TIMP2: variants seen among roughly 807,000 people sequenced by gnomAD.
TIMP2 encodes metalloproteinase inhibitor 2.
A neutral mutation model predicts 24.3 loss-of-function variants in TIMP2; 5 were observed. The observed-to-expected ratio is 0.21, with a 90% CI of 0.11 to 0.43. The LOEUF (loss-of-function observed/expected upper bound fraction) is 0.43, where lower values mean the gene tolerates loss of function less well. TIMP2 is among the 20% of genes least tolerant of loss of function. The pLI is 1.00. For synonymous variants in TIMP2, 130 were observed against 123.2 expected, an observed-to-expected ratio of 1.06 and a Z score of -0.37; for missense variants, 221 against 297.5, an observed-to-expected ratio of 0.74 and a Z score of 1.89.
chr17:78,873,964 G>T, intron 1 of TIMP2, 45 bp from the exon 2 acceptor site: 3 of 1,557,976 alleles, frequency 1.9e-6, no homozygotes, highest in South Asian at 2.2e-5. Context: ...CCTGAAACAC[G>T]CTCCTGGGGC....
intron 1 of TIMP2, among the ~76,000 whole-genome samples, chr17:78,907,694 T>C (rs2070173257): frequency 6.6e-6 from 1 of 152,176 alleles, no homozygotes; most frequent in Non-Finnish European, 1.5e-5. Context: ...GAGCCAGCCG[T>C]GATATTCAAT....
At position 78,920,960 on chromosome 17, in the gene TIMP2, C is replaced by A. The variant is rs764017879; in HGVS notation, c.130+3999G>T. 4.6e-5 allele frequency among the ~76,000 whole-genome samples: 7 copies of A among 152,200 alleles called. No homozygotes were observed. Among genetic ancestry groups the A allele is most frequent in the Non-Finnish European group, 1.0e-4 (7 of 68,046 alleles). On this transcript the variant is annotated intron_variant, in intron 1 of 4. Coordinates refer to ENST00000262768, the MANE Select transcript of TIMP2 (RefSeq NM_003255.5). The surrounding 1 kb of genome is among the most constrained non-coding windows in gnomAD (Gnocchi z 4.5). ...CCATAATTGCTTGTTGAAACACAGA[C>A]AAGCCCAATATGAAAATCAAGATGA...
chr17:78,898,745 T>G (rs1309306542), intron 1 of TIMP2: 1 of 152,246 alleles, frequency 6.6e-6, no homozygotes, highest in Non-Finnish European at 1.5e-5. Context: ...TTCTTTTCTT[T>G]TTTCTTTTTT....
rs1447140068 is a variant in TIMP2 at position 78,891,889 on chromosome 17, C to G, written c.131-17970G>C. On this transcript the variant is annotated intron_variant, in intron 1 of 4. Transcript: ENST00000262768. The surrounding 1 kb of genome is among the most constrained non-coding windows in gnomAD (Gnocchi z 4.5). ...TCATCCGACCCGTGGCTTTTGTAGT[C>G]TGTGGTTTCTCTGGACTCGCTGCTG... The G allele has an allele frequency of 6.4e-7, 1 of 1,550,496 alleles. No homozygotes were observed. The highest frequency in any genetic ancestry group is 8.7e-7 in the Non-Finnish European group (1 of 1,147,008).
intron 3 of TIMP2, among the ~76,000 whole-genome samples, chr17:78,867,192 T>G (rs1222591185): frequency 1.3e-5 from 2 of 152,090 alleles, no homozygotes; most frequent in Non-Finnish European, 2.9e-5. Flanking sequence ...GAGGCAGAGG[T>G]TGCTGTGAGC....
At chr17:78,878,430 A>C (rs7342880) in intron 1 of TIMP2, among the ~76,000 whole-genome samples, 141,318 of 152,194 alleles carry the variant, frequency 0.93, 65,693 homozygotes, top group African/African-American at 0.95. Context: ...CAGGACCACG[A>C]GCATCGCATA....
chr17:78,912,702 A>G (rs2070220031), intron 1 of TIMP2, among the ~76,000 whole-genome samples: 1 of 152,178 alleles, frequency 6.6e-6, no homozygotes, highest in Non-Finnish European at 1.5e-5. Flanking sequence ...CCAGCCACAC[A>G]AGGACTGGGA....
At chr17:78,913,411 T>C (rs2070226246) in intron 1 of TIMP2, among the ~76,000 whole-genome samples, 1 of 151,808 alleles carries the variant, frequency 6.6e-6, no homozygotes, top group Non-Finnish European at 1.5e-5. Context: ...TACATCTCAA[T>C]AAAGCAGCTC....
chr17:78,895,301 A>G (rs953133454), intron 1 of TIMP2, among the ~76,000 whole-genome samples: 2 of 152,208 alleles, frequency 1.3e-5, no homozygotes, highest in African/African-American at 2.4e-5. Flanking sequence ...AAATAAAAAT[A>G]AAAATCAGCA....
intron 1 of TIMP2, among the ~76,000 whole-genome samples, chr17:78,919,718 C>T (rs2070294287): frequency 6.6e-6 from 1 of 152,086 alleles, no homozygotes; most frequent in African/African-American, 2.4e-5. Context: ...ACCTGTAGTC[C>T]CAGCTACTCG....
chr17:78,910,963 C>G (rs191629274), intron 1 of TIMP2, among the ~76,000 whole-genome samples: 21 of 152,300 alleles, frequency 1.4e-4, no homozygotes, highest in Admixed American at 1.2e-3. Context: ...GATTCCCTTT[C>G]CTTTGGATAA....
Position 78,924,919 on chromosome 17 carries a change from G to A in TIMP2, c.130+40C>T. On this transcript the variant is annotated intron_variant, in intron 1 of 4. Transcript: ENST00000262768. The surrounding 1 kb of genome is among the most constrained non-coding windows in gnomAD (Gnocchi z 5.3). The stretch of plus-strand genomic sequence containing the variant: ...TGCGAACCCTCGGGGTCGCGGGGGA[G>A]GTGGGGCCCCGCGCGGGGGCTGGGG... 1 of 1,179,920 alleles carries A rather than the reference G, an allele frequency of 8.5e-7. No homozygotes were observed. 73.1% of individuals were successfully genotyped at this position (1,179,920 alleles called of 1,614,324 possible).
chr17:78,900,638 T>C (rs111563200), intron 1 of TIMP2, among the ~76,000 whole-genome samples: 9,866 of 152,280 alleles, frequency 0.065, 419 homozygotes, highest in Middle Eastern at 0.12. Context: ...CTTTCACACC[T>C]GACCTTATCA....
At chr17:78,881,969 CTCTT>C (rs10558274) in intron 1 of TIMP2, among the ~76,000 whole-genome samples, 119,592 of 151,702 alleles carry the variant, frequency 0.79, 47,485 homozygotes, top group Admixed American at 0.83. Context: ...GCTCCATATC[CTCTT>C]TTTTTTTTGA....
At chr17:78,912,598 G>A (rs886862502) in intron 1 of TIMP2, among the ~76,000 whole-genome samples, 3 of 152,156 alleles carry the variant, frequency 2.0e-5, no homozygotes, top group East Asian at 1.9e-4. Context: ...CTTCAGCATC[G>A]GCTTGGAGAA....
intron 3 of TIMP2, among the ~76,000 whole-genome samples, chr17:78,865,926 GAA>G (rs1372501407): frequency 6.6e-6 from 1 of 152,162 alleles, no homozygotes; most frequent in East Asian, 1.9e-4. Context: ...AGTTTGGCCA[GAA>G]AGCCCCTAGA....
intron 1 of TIMP2, among the ~76,000 whole-genome samples, chr17:78,885,433 C>T (rs903165218): frequency 6.6e-6 from 1 of 152,238 alleles, no homozygotes; most frequent in Non-Finnish European, 1.5e-5. Flanking sequence ...CATGGCAGTG[C>T]TCTCTGGAAA....
chr17:78,918,360 C>T (rs2070281485), intron 1 of TIMP2, among the ~76,000 whole-genome samples: 1 of 152,164 alleles, frequency 6.6e-6, no homozygotes, highest in African/African-American at 2.4e-5. Context: ...GTCTCTGTGC[C>T]CTTCCCTCTG....
At chr17:78,882,107 G>A (rs978303493) in intron 1 of TIMP2, among the ~76,000 whole-genome samples, 6 of 152,224 alleles carry the variant, frequency 3.9e-5, no homozygotes, top group Non-Finnish European at 5.9e-5. Context: ...TGGGATTACA[G>A]GTGCCCGCCA....
Sources: allele counts gnomAD v4.1 joint callset (sites outside exome capture counted in the v4.1 genomes callset), GRCh38; gene constraint gnomAD v4.1.1; non-coding constraint Gnocchi (gnomAD v3.1); transcripts MANE v1.5; gene names NCBI Gene and HGNC (gene_info 2026-07-23, HGNC 2026-07-21).